TRAPPC9: variants seen among roughly 807,000 people sequenced by gnomAD.
The protein encoded by TRAPPC9 is trafficking protein particle complex subunit 9.
In TRAPPC9, 83 loss-of-function variants were observed where a neutral mutation model predicts 124.0. That is an observed-to-expected ratio of 0.67 (90% CI 0.56 to 0.80). TRAPPC9 has a LOEUF of 0.80. Ranked by LOEUF, TRAPPC9 falls within the 30% of genes least tolerant of loss-of-function variation. The probability of loss-of-function intolerance (pLI) is 0.00; values close to 1 mark genes in which losing one functional copy is unlikely to be tolerated. For missense variants in TRAPPC9, 1,302 were observed against 1,508.3 expected (o/e 0.86, Z 2.27); for synonymous variants, 638 against 617.5 (o/e 1.03, Z -0.49).
intron 19 of TRAPPC9, among the ~76,000 whole-genome samples, chr8:139,980,180 G>A (rs1747570034): frequency 1.3e-5 from 2 of 152,114 alleles, no homozygotes; most frequent in Admixed American, 1.3e-4. Flanking sequence ...CCTCCCTGCA[G>A]CCGCCCCATA....
At chr8:140,301,469 T>C (rs938762660) in intron 10 of TRAPPC9, among the ~76,000 whole-genome samples, 1 of 152,232 alleles carries the variant, frequency 6.6e-6, no homozygotes, top group Non-Finnish European at 1.5e-5. Flanking sequence ...CTAAGTATAC[T>C]GTCGCAAATC....
intron 19 of TRAPPC9, among the ~76,000 whole-genome samples, chr8:139,930,531 C>G: frequency 6.6e-6 from 1 of 152,340 alleles, no homozygotes; most frequent in Admixed American, 6.5e-5. Context: ...GAGATAGTCA[C>G]ACCCCTCTTT....
At chr8:140,242,160 G>T (rs1364258613) in intron 16 of TRAPPC9, among the ~76,000 whole-genome samples, 3 of 133,614 alleles carry the variant, frequency 2.2e-5, no homozygotes, top group Non-Finnish European at 4.7e-5. Context: ...GAGAGAGAGA[G>T]AGAGGGAGAC....
Position 139,984,309 on chromosome 8 carries a change from C to T in TRAPPC9, c.2810+4417G>A, listed in dbSNP as rs1048583945. Among the ~76,000 whole-genome samples the T allele has an allele frequency of 6.6e-6, 1 of 152,230 alleles. No individual in the cohort carries two copies. The highest frequency in any genetic ancestry group is 1.5e-5 in the Non-Finnish European group (1 of 68,028). ...CTCCCAGGTAGCAGTGAGAGCACCA[C>T]CTTCCGCTCCTGCTGGTAGCGATGA... On this transcript the variant is annotated intron_variant, in intron 19 of 22. Transcript: ENST00000438773. This position sits in a 1 kb window ranked among gnomAD's most constrained non-coding sequence, Gnocchi z 4.3.
chr8:140,169,761 G>A (rs141993804), intron 17 of TRAPPC9, among the ~76,000 whole-genome samples: 2,698 of 152,190 alleles, frequency 0.018, 85 homozygotes, highest in African/African-American at 0.061. Flanking sequence ...CCGGGGTCGG[G>A]AGGAGGAGGA....
chr8:139,781,281 T>A (rs2130526315), intron 21 of TRAPPC9, among the ~76,000 whole-genome samples: 1 of 152,264 alleles, frequency 6.6e-6, no homozygotes, highest in Non-Finnish European at 1.5e-5. Context: ...AGTAGGTGAA[T>A]GGATAAACTG....
intron 21 of TRAPPC9, among the ~76,000 whole-genome samples, chr8:139,842,680 G>A (rs1015459873): frequency 1.3e-5 from 2 of 151,310 alleles, no homozygotes; most frequent in African/African-American, 4.9e-5. Context: ...GGGAGGGGGC[G>A]GGCCTGTGGC....
chr8:139,886,025 T>C (rs1480883285), intron 20 of TRAPPC9, 56 bp from the exon 21 acceptor site: 1 of 1,479,582 alleles, frequency 6.8e-7, no homozygotes, highest in East Asian at 2.5e-5. Context: ...CAGAAGAACG[T>C]CTAGAAGTCT....
intron 17 of TRAPPC9, among the ~76,000 whole-genome samples, chr8:140,088,044 A>G (rs1273044943): frequency 6.6e-6 from 1 of 152,010 alleles, no homozygotes; most frequent in Non-Finnish European, 1.5e-5. Context: ...ACCTCAGGAC[A>G]AATGCTACCT....
chr8:140,155,610 A>G (rs759451610), intron 17 of TRAPPC9, among the ~76,000 whole-genome samples: 5 of 152,248 alleles, frequency 3.3e-5, no homozygotes, highest in African/African-American at 4.8e-5. Flanking sequence ...AAATCTCTTT[A>G]ATAAATTAAA....
At chr8:140,334,202 C>T (rs2066972407) in intron 9 of TRAPPC9, among the ~76,000 whole-genome samples, 2 of 152,150 alleles carry the variant, frequency 1.3e-5, no homozygotes, top group African/African-American at 2.4e-5. Context: ...CTTGAATATC[C>T]ACCCTCTATA....
intron 17 of TRAPPC9, among the ~76,000 whole-genome samples, chr8:140,209,294 C>G (rs1199598815): frequency 6.6e-5 from 10 of 152,282 alleles, no homozygotes; most frequent in Admixed American, 3.3e-4. Flanking sequence ...ACTGTTACGC[C>G]CCCAGCATTC....
chr8:140,180,530 G>C (rs1382764413), intron 17 of TRAPPC9, among the ~76,000 whole-genome samples: 1 of 152,008 alleles, frequency 6.6e-6, no homozygotes, highest in Non-Finnish European at 1.5e-5. Flanking sequence ...TACATTTCAA[G>C]ATCTGAGGCA....
intron 19 of TRAPPC9, 37 bp downstream of exon 19, chr8:139,988,689 T>C: frequency 7.2e-7 from 1 of 1,393,698 alleles, no homozygotes; most frequent in Non-Finnish European, 9.9e-7. Context: ...AGGCAGAGGG[T>C]GGCCTGCGGC....
At chr8:139,926,346 ACAC>A (rs1477082262) in intron 19 of TRAPPC9, among the ~76,000 whole-genome samples, 1 of 152,152 alleles carries the variant, frequency 6.6e-6, no homozygotes, top group Non-Finnish European at 1.5e-5. Flanking sequence ...GCAAAAAATA[ACAC>A]CCACAATGCC....
chr8:140,417,594 T>C (rs1042970411), intron 5 of TRAPPC9, among the ~76,000 whole-genome samples: 6 of 152,182 alleles, frequency 3.9e-5, no homozygotes, highest in African/African-American at 1.4e-4. Context: ...GAAATAGGAA[T>C]GCCTTTATAC....
Position 139,890,591 on chromosome 8 carries a change from C to A in TRAPPC9, c.2965-4622G>T, listed in dbSNP as rs1206445436. Among the ~76,000 whole-genome samples the A allele has an allele frequency of 2.0e-5, 3 of 152,156 alleles. No homozygotes were observed. In the East Asian group the frequency reaches 5.8e-4, roughly 29 times the overall value. On this transcript the variant is annotated intron_variant, in intron 20 of 22. Transcript: ENST00000438773. Reference sequence around the variant, plus strand: ...AGGGGTCAAAGGCCATTGTGAGGGACCCCTTCCCGGTCTGTTTTCTCAGTT... The same window carrying A: ...AGGGGTCAAAGGCCATTGTGAGGGAACCCTTCCCGGTCTGTTTTCTCAGTT...
At chr8:140,025,570 A>G (rs1290139311) in intron 17 of TRAPPC9, among the ~76,000 whole-genome samples, 2 of 151,852 alleles carry the variant, frequency 1.3e-5, no homozygotes, top group African/African-American at 4.8e-5. Flanking sequence ...AAATGCAAAA[A>G]AAAAAAAAAA....
At chr8:140,416,513 G>T (rs2069933251) in intron 5 of TRAPPC9, among the ~76,000 whole-genome samples, 1 of 152,108 alleles carries the variant, frequency 6.6e-6, no homozygotes, top group Non-Finnish European at 1.5e-5. Flanking sequence ...ACTTACAAGG[G>T]ATGTGAAGGA....
Sources: gnomAD v4.1 joint callset for allele counts (sites outside exome capture counted in the v4.1 genomes callset) on GRCh38, gnomAD v4.1.1 for gene constraint, Gnocchi (gnomAD v3.1) non-coding constraint, MANE v1.5 for transcripts, NCBI Gene and HGNC (gene_info 2026-07-23, HGNC 2026-07-21) for gene names.